The following RBFOX1 variants were observed in gnomAD, a reference collection of about 807,000 sequenced individuals.
RBFOX1 encodes the protein RNA binding protein fox-1 homolog 1.
In RBFOX1, 8 loss-of-function variants were observed where a neutral mutation model predicts 57.7. The observed-to-expected ratio is 0.14, with a 90% CI of 0.08 to 0.25. The LOEUF (loss-of-function observed/expected upper bound fraction) is 0.25. Among genes scored for constraint, RBFOX1 ranks in the 10% least tolerant of loss-of-function variants. RBFOX1 has a pLI of 1.00. For synonymous variants in RBFOX1, 326 were observed against 222.4 expected (o/e 1.47, Z -4.15); for missense variants, 611 against 548.5 (o/e 1.11, Z -1.14).
rs59621162 is a variant in RBFOX1 at position 7,473,812 on chromosome 16, G to A, written c.28-44335G>A. On this transcript the variant is annotated intron_variant, in intron 4 of 15. Transcript: ENST00000550418. ...AGACATTCATTCTCATCTACTAATT[G>A]CTTTCTTCATAGACAATTCTAGTGA... is the stretch of plus-strand genomic sequence containing the variant. Among the ~76,000 whole-genome samples, 235 of 152,096 alleles carry A rather than the reference G, an allele frequency of 1.5e-3. 1 individual carries two copies. Among genetic ancestry groups the A allele is most frequent in the African/African-American group, 5.2e-3 (217 of 41,522 alleles).
intron 14 of RBFOX1, among the ~76,000 whole-genome samples, chr16:7,706,702 A>C (rs1187624430): frequency 6.6e-6 from 1 of 152,200 alleles, no homozygotes; most frequent in African/African-American, 2.4e-5. Context: ...CTATTTATGA[A>C]ACAGCTTTGC....
intron 4 of RBFOX1, among the ~76,000 whole-genome samples, chr16:7,230,135 G>C (rs981135091): frequency 6.6e-6 from 1 of 150,812 alleles, no homozygotes; most frequent in Non-Finnish European, 1.5e-5. Flanking sequence ...AGGGAAGGAA[G>C]GCCTCCTCAT....
chr16:5,814,613 T>A (rs1162819216), intron 3 of RBFOX1, among the ~76,000 whole-genome samples: 1 of 152,192 alleles, frequency 6.6e-6, no homozygotes, highest in Non-Finnish European at 1.5e-5. Context: ...CACTTGTCTA[T>A]CCTGCCACCT....
intron 1 of RBFOX1, among the ~76,000 whole-genome samples, chr16:5,328,179 T>A (rs2064639565): frequency 6.6e-6 from 1 of 152,132 alleles, no homozygotes; most frequent in Admixed American, 6.5e-5. Flanking sequence ...TACCAGTACC[T>A]CTGAATATGA....
At chr16:6,766,542 A>G (rs11859094) in intron 3 of RBFOX1, among the ~76,000 whole-genome samples, 116,655 of 151,632 alleles carry the variant, frequency 0.77, 45,907 homozygotes, top group Middle Eastern at 0.86. Flanking sequence ...ACTTTCTGCA[A>G]TGACACCCAT....
intron 2 of RBFOX1, among the ~76,000 whole-genome samples, chr16:6,448,142 CT>C (rs2094522327): frequency 9.7e-6 from 1 of 102,980 alleles, no homozygotes; most frequent in Non-Finnish European, 2.0e-5. Flanking sequence ...TCTTTTTTTT[CT>C]TTTCTTTTCT....
intron 3 of RBFOX1, among the ~76,000 whole-genome samples, chr16:6,935,668 T>G (rs75102404): frequency 0.015 from 2,332 of 152,292 alleles, 56 homozygotes; most frequent in African/African-American, 0.053. Flanking sequence ...TTAAATGTAA[T>G]GTGCCTTATT....
chr16:6,983,793 G>A (rs2089578495), intron 3 of RBFOX1: 1 of 152,424 alleles, frequency 6.6e-6, no homozygotes, highest in African/African-American at 2.4e-5. Context: ...TGCACTACTT[G>A]TGCCTAGTGA....
intron 3 of RBFOX1, among the ~76,000 whole-genome samples, chr16:6,901,955 C>G (rs2068606585): frequency 6.6e-6 from 1 of 152,036 alleles, no homozygotes; most frequent in Admixed American, 6.5e-5. Flanking sequence ...AAAAATGGCA[C>G]CTTCAGAAAT....
At chr16:5,721,263 G>T (rs747134850) in intron 3 of RBFOX1, among the ~76,000 whole-genome samples, 5 of 152,124 alleles carry the variant, frequency 3.3e-5, no homozygotes, top group Non-Finnish European at 7.3e-5. Context: ...CATTACTAGT[G>T]TGAAGGAATA....
chr16:7,067,274 G>C lies in RBFOX1; in HGVS notation c.27+15176G>C, dbSNP rs76025256. On this transcript the variant is annotated intron_variant, in intron 4 of 15. Transcript: ENST00000550418. ...AGTTGGTACTCATGTTGAAATCTGT[G>C]TTAGTTTTTTATTGTGGCCCTAACA... Among the ~76,000 whole-genome samples, 2,109 of 150,084 alleles carry C rather than the reference G, an allele frequency of 0.014. 102 individuals carry two copies. The East Asian group carries it at 0.17, about 12-fold the overall frequency.
chr16:5,379,361 C>T (rs1166408226), intron 1 of RBFOX1, among the ~76,000 whole-genome samples: 1 of 151,550 alleles, frequency 6.6e-6, no homozygotes. Flanking sequence ...ACACCCCCAG[C>T]CCAGGAAGTT....
intron 3 of RBFOX1, among the ~76,000 whole-genome samples, chr16:5,817,312 C>A (rs1023202662): frequency 1.3e-5 from 2 of 152,200 alleles, no homozygotes; most frequent in Admixed American, 1.3e-4. Flanking sequence ...GTTCCCCTCA[C>A]ATTTCTTCTT....
chr16:6,831,915 C>G (rs1001526322), intron 3 of RBFOX1, among the ~76,000 whole-genome samples: 5 of 152,174 alleles, frequency 3.3e-5, no homozygotes, highest in African/African-American at 1.2e-4. Context: ...TGACGAAGAA[C>G]TTACAGTTCT....
intron 1 of RBFOX1, among the ~76,000 whole-genome samples, chr16:6,153,755 C>G (rs1597842459): frequency 6.6e-6 from 1 of 152,110 alleles, no homozygotes; most frequent in African/African-American, 2.4e-5. Flanking sequence ...AGGCTGGTCT[C>G]AAACTCCTGA....
At chr16:6,658,727 A>T (rs1305894089) in intron 3 of RBFOX1, among the ~76,000 whole-genome samples, 1 of 152,026 alleles carries the variant, frequency 6.6e-6, no homozygotes, top group Admixed American at 6.6e-5. Context: ...CATAATGTGT[A>T]TTGGAGTGTG....
intron 4 of RBFOX1, among the ~76,000 whole-genome samples, chr16:7,061,591 T>C (rs754243898): frequency 2.5e-4 from 38 of 152,204 alleles, no homozygotes; most frequent in Non-Finnish European, 2.4e-4. Context: ...TTCACACATT[T>C]AGGATATTTG....
intron 2 of RBFOX1, among the ~76,000 whole-genome samples, chr16:6,330,183 A>G (rs2082845266): frequency 6.6e-6 from 1 of 152,214 alleles, no homozygotes; most frequent in African/African-American, 2.4e-5. Context: ...TCATAAGGAT[A>G]GGGAAGTAAA....
At chr16:7,252,861 C>T (rs1156910557) in intron 4 of RBFOX1, among the ~76,000 whole-genome samples, 1 of 152,012 alleles carries the variant, frequency 6.6e-6, no homozygotes, top group African/African-American at 2.4e-5. Flanking sequence ...GTGATCTTTC[C>T]CTAACTCATA....
Sources: allele counts gnomAD v4.1 joint callset (sites outside exome capture counted in the v4.1 genomes callset), GRCh38; gene constraint gnomAD v4.1.1; transcripts MANE v1.5; gene names NCBI Gene and HGNC (gene_info 2026-07-23, HGNC 2026-07-21).